Variants in NDUFAF6 observed in about 807,000 individuals in gnomAD.
The protein encoded by NDUFAF6 is NADH dehydrogenase (ubiquinone) complex I, assembly factor 6.
In NDUFAF6, 45 loss-of-function variants were observed where a neutral mutation model predicts 40.8. That is an observed-to-expected ratio of 1.10 (90% CI 0.87 to 1.42). NDUFAF6 has a LOEUF of 1.42. Ranked by LOEUF, NDUFAF6 falls within the 40% of genes most tolerant of loss-of-function variation. The pLI is 0.00. For missense variants in NDUFAF6, 435 were observed against 418.5 expected (o/e 1.04, Z -0.34); for synonymous variants, 185 against 155.9 (o/e 1.19, Z -1.39).
intron 2 of NDUFAF6, among the ~76,000 whole-genome samples, chr8:95,003,199 A>C (rs1446070821): frequency 6.6e-6 from 1 of 152,222 alleles, no homozygotes; most frequent in East Asian, 1.9e-4. Context: ...GTACCAAAGG[A>C]AGGAGGGGCC....
chr8:94,916,889 C>T (rs1229297000), intron 1 of NDUFAF6, among the ~76,000 whole-genome samples: 3 of 148,876 alleles, frequency 2.0e-5, no homozygotes, highest in Non-Finnish European at 3.0e-5. Flanking sequence ...CCTAGGCAGG[C>T]GAATCACGAG....
intron 2 of NDUFAF6, among the ~76,000 whole-genome samples, chr8:95,033,217 A>AT (rs33963085): frequency 0.022 from 3,247 of 149,476 alleles, 51 homozygotes; most frequent in Non-Finnish European, 0.028. Context: ...ATTAAAAACA[A>AT]TTTTTTTTTT....
intron 2 of NDUFAF6, among the ~76,000 whole-genome samples, chr8:95,035,218 T>G (rs1254642950): frequency 6.6e-6 from 1 of 151,126 alleles, no homozygotes; most frequent in Non-Finnish European, 1.5e-5. Flanking sequence ...GGAGACAATC[T>G]AATAATCTTC....
intron 1 of NDUFAF6, among the ~76,000 whole-genome samples, chr8:94,969,234 A>G (rs1360724295): frequency 6.6e-6 from 1 of 152,206 alleles, no homozygotes; most frequent in African/African-American, 2.4e-5. Flanking sequence ...CTTTGGAAAT[A>G]AGAGGATGAG....
At chr8:94,899,199 A>C (rs2131160954) in intron 1 of NDUFAF6, among the ~76,000 whole-genome samples, 1 of 152,344 alleles carries the variant, frequency 6.6e-6, no homozygotes, top group African/African-American at 2.4e-5. Flanking sequence ...GCACCTGGCC[A>C]ATTTTTTAAA....
At chr8:94,895,803 C>G (rs113379701), upstream of NDUFAF6, 1 of 152,450 alleles carries the variant, frequency 6.6e-6, no homozygotes, top group Non-Finnish European at 1.5e-5. Context: ...GTAAACACCA[C>G]TCAGCCACGC....
chr8:94,965,117 GCCCAGTC>G (rs1823903471), intron 1 of NDUFAF6, among the ~76,000 whole-genome samples: 2 of 152,210 alleles, frequency 1.3e-5, no homozygotes, highest in Non-Finnish European at 2.9e-5. Flanking sequence ...TGGTCATCCT[GCCCAGTC>G]GGCCCTGAGG....
At chr8:95,095,649 A>T (rs1444553866), upstream of NDUFAF6, among the ~76,000 whole-genome samples, 1 of 144,676 alleles carries the variant, frequency 6.9e-6, no homozygotes, top group Non-Finnish European at 1.5e-5. Context: ...TCTTGTGTCT[A>T]AAAAAGATCA....
At chr8:95,108,433 C>T (rs1809904009), downstream of NDUFAF6, among the ~76,000 whole-genome samples, 1 of 152,040 alleles carries the variant, frequency 6.6e-6, no homozygotes, top group Non-Finnish European at 1.5e-5. Context: ...AGACATTGTA[C>T]TAAGTAAAAT....
At chr8:94,994,832 C>A (rs574826370) in intron 2 of NDUFAF6, among the ~76,000 whole-genome samples, 1 of 152,168 alleles carries the variant, frequency 6.6e-6, no homozygotes, top group Admixed American at 6.5e-5. Context: ...CTCAAAAAAC[C>A]AAACCAAACC....
intron 2 of NDUFAF6, chr8:95,034,146 C>T (rs1186367456): frequency 2.4e-5 from 11 of 451,902 alleles, no homozygotes; most frequent in East Asian, 7.0e-5. Context: ...AAACAATACT[C>T]ATGACCCTGT....
intron 1 of NDUFAF6, among the ~76,000 whole-genome samples, chr8:94,923,387 A>G (rs1414394141): frequency 6.6e-6 from 1 of 152,222 alleles, no homozygotes; most frequent in Non-Finnish European, 1.5e-5. Flanking sequence ...AGCACTTGAA[A>G]TACTACTAGT....
chr8:95,107,161 C>T (rs1809863695), downstream of NDUFAF6, among the ~76,000 whole-genome samples: 1 of 152,154 alleles, frequency 6.6e-6, no homozygotes, highest in South Asian at 2.1e-4. Flanking sequence ...ATAAATCATT[C>T]TACTATAAAG....
intron 2 of NDUFAF6, among the ~76,000 whole-genome samples, chr8:95,017,232 C>T (rs544879026): frequency 2.0e-5 from 3 of 151,712 alleles, no homozygotes; most frequent in Non-Finnish European, 2.9e-5. Context: ...TGAGCCACCA[C>T]GCCCCGCCCA....
At chr8:94,906,181 A>C (rs1047894701) in intron 1 of NDUFAF6, among the ~76,000 whole-genome samples, 54 of 152,142 alleles carry the variant, frequency 3.5e-4, no homozygotes, top group Non-Finnish European at 5.4e-4. Flanking sequence ...TAGAGTCCTT[A>C]GCAGGTATTC....
intron 2 of NDUFAF6, among the ~76,000 whole-genome samples, chr8:94,994,516 C>T (rs982528386): frequency 6.1e-5 from 9 of 147,664 alleles, no homozygotes; most frequent in Non-Finnish European, 8.9e-5. Flanking sequence ...GTGCCAAGAG[C>T]GAAACTCCAT....
intron 8 of NDUFAF6, among the ~76,000 whole-genome samples, chr8:95,054,411 G>C (rs1587176050): frequency 6.7e-6 from 1 of 150,132 alleles, no homozygotes; most frequent in Non-Finnish European, 1.5e-5. Flanking sequence ...AAACTCGGGG[G>C]GTGGGGCCCA....
chr8:94,931,111 C>T (rs1439160347), intron 1 of NDUFAF6, among the ~76,000 whole-genome samples: 2 of 152,168 alleles, frequency 1.3e-5, no homozygotes, highest in African/African-American at 4.8e-5. Flanking sequence ...TTAATTCTCA[C>T]CATAATCTTA....
intron 2 of NDUFAF6, among the ~76,000 whole-genome samples, chr8:94,996,103 A>G (rs766271489): frequency 2.0e-5 from 3 of 152,170 alleles, no homozygotes; most frequent in Non-Finnish European, 2.9e-5. Flanking sequence ...TTCTTCCTAG[A>G]TAGTCAAAAT....
Sources: gnomAD v4.1 joint callset for allele counts (sites outside exome capture counted in the v4.1 genomes callset) on GRCh38, gnomAD v4.1.1 for gene constraint, MANE v1.5 for transcripts, NCBI Gene and HGNC (gene_info 2026-07-23, HGNC 2026-07-21) for gene names.